Variants in REXO1 observed in about 807,000 individuals in gnomAD.
REXO1 encodes REX1, RNA exonuclease 1 homolog.
REXO1 carries 42 observed loss-of-function variants against 102.6 expected under a neutral mutation model. The observed-to-expected ratio is 0.41, with a 90% CI of 0.32 to 0.53. The LOEUF (loss-of-function observed/expected upper bound fraction) is 0.53. Among genes scored for constraint, REXO1 ranks in the 20% least tolerant of loss-of-function variants. The pLI, the probability that REXO1 is intolerant of heterozygous loss-of-function variation, is 0.27. For synonymous variants in REXO1, 908 were observed against 779.1 expected, an observed-to-expected ratio of 1.17 and a Z score of -2.76; for missense variants, 1,819 against 1,732.5, an observed-to-expected ratio of 1.05 and a Z score of -0.89.
In REXO1 at chr19:1,819,318, G is replaced by A. The variant is rs541826215; in HGVS notation, c.2651-187C>T. ...GAGAGGCAGACATGCGGTGAGCCAG[G>A]GACGCAGGGCAGCCGCCAGCTCTGC... On this transcript the variant is annotated intron_variant, in intron 7 of 15. Coordinates refer to ENST00000170168, the MANE Select transcript of REXO1 (RefSeq NM_020695.4). 3.3e-5 allele frequency among the ~76,000 whole-genome samples: 5 copies of A among 152,168 alleles called. No homozygotes were observed. In the East Asian group the frequency reaches 7.7e-4, roughly 24 times the overall value.
chr19:1,835,809 A>G (rs1198300974), intron 1 of REXO1, among the ~76,000 whole-genome samples: 1 of 152,098 alleles, frequency 6.6e-6, no homozygotes, highest in Non-Finnish European at 1.5e-5. Flanking sequence ...GGTACCACCC[A>G]GCCCCAGTGG....
At chr19:1,819,325 G>A (rs1398635197) in intron 7 of REXO1, among the ~76,000 whole-genome samples, 194 bp from the exon 8 acceptor site, 2 of 152,086 alleles carry the variant, frequency 1.3e-5, no homozygotes, top group African/African-American at 2.4e-5. Flanking sequence ...CAGGGACGCA[G>A]GGCAGCCGCC....
At chr19:1,832,970 C>T (rs1317301277) in intron 1 of REXO1, among the ~76,000 whole-genome samples, 1 of 151,324 alleles carries the variant, frequency 6.6e-6, no homozygotes, top group African/African-American at 2.4e-5. Flanking sequence ...TGGCTCACGC[C>T]TGTAATCCCA....
chr19:1,817,050 G>A (rs1238736085), intron 12 of REXO1, 169 bp downstream of exon 12: 3 of 851,452 alleles, frequency 3.5e-6, no homozygotes, highest in East Asian at 2.7e-5. Context: ...TGGCTCTGCT[G>A]GGAAGTATGG....
chr19:1,829,052 C>G (rs72975609), intron 1 of REXO1, among the ~76,000 whole-genome samples: 4,042 of 152,320 alleles, frequency 0.027, 90 homozygotes, highest in Middle Eastern at 0.051. Flanking sequence ...CACAGCCTGA[C>G]GGTGGACACA....
rs757563078 is a variant in REXO1 at position 1,827,641 on chromosome 19, G to A, written c.1148C>T (p.Ala383Val). 4 of 1,571,114 alleles carry A rather than the reference G, an allele frequency of 2.5e-6. No homozygotes were observed. Among genetic ancestry groups the A allele is most frequent in the African/African-American group, 2.8e-5 (2 of 72,356 alleles). ...EGKPKKKKTG[A>V]PPAPSCKDGA... ...GTCTTTGCAGCTGGGGGCAGGTGGG[G>A]CCCCGGTTTTTTTCTTCTTGGGTTT... The change falls in exon 2 of 16, where the codon GCC (alanine) becomes GTC (valine). Residue 383 changes from alanine to valine, a missense_variant. Physicochemically the swap from Ala to Val is moderately conservative, Grantham distance 64. Coordinates refer to ENST00000170168, the MANE Select transcript of REXO1 (RefSeq NM_020695.4).
rs948070530 is a variant in REXO1, at chr19:1,815,874, C to T, written c.*192G>A. 6.0e-6 allele frequency: 8 copies of T among 1,329,148 alleles called. No individual in the cohort carries two copies. The highest frequency in any genetic ancestry group is 7.8e-6 in the Non-Finnish European group (8 of 1,024,016). The allele number at this position is 1,329,148 out of a possible 1,614,324, so 82.3% of individuals were successfully genotyped here. A position where few individuals can be genotyped will look rare whatever the true frequency, so the allele number is the denominator to read the frequency against. On this transcript the variant is annotated 3_prime_UTR_variant, in exon 16 of 16. Coordinates refer to ENST00000170168, the MANE Select transcript of REXO1 (RefSeq NM_020695.4). This position sits in a 1 kb window ranked among gnomAD's most constrained non-coding sequence, Gnocchi z 4.0. ...CTGGGGGGCAGAGGGTGGGGACCGG[C>T]GGAGGGGTGCGGCAGGACGTGAGCG... is the stretch of plus-strand genomic sequence containing the variant.
At position 1,826,995 on chromosome 19, in the gene REXO1, G is replaced by C. The variant is rs1287512655; in HGVS notation, c.1794C>G (p.Asp598Glu). The C allele has an allele frequency of 6.5e-7, 1 of 1,546,416 alleles. No homozygotes were observed. Among genetic ancestry groups the C allele is most frequent in the Admixed American group, 1.9e-5 (1 of 51,796 alleles). Residue 598 changes from aspartate to glutamate, a missense_variant, in exon 2 of 16, where the codon GAC (aspartate) becomes GAG (glutamate). Transcript: ENST00000170168. The surrounding 1 kb of genome is among the most constrained non-coding windows in gnomAD (Gnocchi z 4.3). ...SSTSSAGADV[D>E]YSALEKEVDF... Reference sequence around the variant, plus strand: ...CCACCTCCTTCTCCAGGGCCGAGTAGTCCACATCCGCCCCCGCGCTGGAGG... The same window carrying C: ...CCACCTCCTTCTCCAGGGCCGAGTACTCCACATCCGCCCCCGCGCTGGAGG...
intron 1 of REXO1, among the ~76,000 whole-genome samples, chr19:1,840,389 C>A (rs968745853): frequency 6.6e-6 from 1 of 152,148 alleles, no homozygotes; most frequent in African/African-American, 2.4e-5. Flanking sequence ...AGCTGAGAAT[C>A]GCAGACTGCC....
intron 4 of REXO1, 63 bp downstream of exon 4, chr19:1,823,509 T>A (rs1295696065): frequency 1.7e-6 from 2 of 1,169,478 alleles, no homozygotes; most frequent in Non-Finnish European, 2.2e-6. Flanking sequence ...GACCTCAGGG[T>A]GCCACCTCTC....
intron 11 of REXO1, 24 bp downstream of exon 11, chr19:1,817,683 G>T (rs775797127): frequency 6.2e-7 from 1 of 1,607,328 alleles, no homozygotes. Flanking sequence ...AACAGGCAGA[G>T]GGGACTGGGA....
intron 3 of REXO1, 125 bp from the exon 4 acceptor site, chr19:1,823,910 T>G (rs2069627806): frequency 4.9e-6 from 2 of 410,766 alleles, no homozygotes; most frequent in South Asian, 2.7e-4. Context: ...CCTGGCTGCC[T>G]TCTGAGCTGC....
chr19:1,827,044 G>C lies in REXO1; in HGVS notation c.1745C>G (p.Ser582Cys). 1 of 1,028,470 alleles carries C rather than the reference G, an allele frequency of 9.7e-7. No homozygotes were observed. The highest frequency in any genetic ancestry group is 1.5e-6 in the Non-Finnish European group (1 of 675,688). The allele number at this position is 1,028,470 out of a possible 1,614,324, so 63.7% of individuals were successfully genotyped here. Residue 582 changes from serine (S) to cysteine (C), a missense_variant, in exon 2 of 16, where the codon TCC becomes TGC. Coordinates refer to ENST00000170168, the MANE Select transcript of REXO1 (RefSeq NM_020695.4). ...ASPPPSPAPS[S>C]SSSSSSSTSS... Reference sequence around the variant, plus strand: ...GGTGGAGGAGGAGGAGGAGGAGGAGGAGGATGGGGCGGGGGAGGGGGGCGG... The same window carrying C: ...GGTGGAGGAGGAGGAGGAGGAGGAGCAGGATGGGGCGGGGGAGGGGGGCGG...
rs1428100966 is a variant in REXO1, at chr19:1,817,293, C to T, written c.3127G>A (p.Gly1043Ser). 1 of 1,613,104 alleles carries T rather than the reference C, an allele frequency of 6.2e-7. No individual in the cohort carries two copies. The highest frequency in any genetic ancestry group is 1.1e-5 in the South Asian group (1 of 91,090). Reference sequence around the variant, plus strand: ...TCTTTCTCAAAGGTCTTCACGAAGCCCTCAAGGCGCTCCTTCCGGCCATCC... The same window carrying T: ...TCTTTCTCAAAGGTCTTCACGAAGCTCTCAAGGCGCTCCTTCCGGCCATCC... ...VQDGRKERLE[G>S]FVKTFEKELS... is the part of the protein sequence containing the mutation. Residue 1043 changes from glycine (G) to serine (S), a missense_variant, in exon 12 of 16, where the codon GGC (glycine) becomes AGC (serine). Gly to Ser is a moderately conservative substitution (Grantham distance 56). Coordinates refer to ENST00000170168, the MANE Select transcript of REXO1 (RefSeq NM_020695.4).
chr19:1,824,038 C>A, intron 3 of REXO1: 1 of 383,562 alleles, frequency 2.6e-6, no homozygotes, highest in Non-Finnish European at 4.6e-6. Flanking sequence ...TGATAAGGCA[C>A]GGGTGGGCGG....
Position 1,826,567 on chromosome 19 carries a change from CCT to C in REXO1, c.1911+309_1911+310del, listed in dbSNP as rs1428838412. 2.0e-5 allele frequency among the ~76,000 whole-genome samples: 3 copies of C among 151,452 alleles called. No individual in the cohort carries two copies. The highest frequency in any genetic ancestry group is 4.9e-5 in the African/African-American group (2 of 41,184). On this transcript the variant is annotated intron_variant, in intron 2 of 15. Coordinates refer to ENST00000170168, the MANE Select transcript of REXO1 (RefSeq NM_020695.4). This position sits in a 1 kb window ranked among gnomAD's most constrained non-coding sequence, Gnocchi z 4.3. ...GAAGGGTGTGCCGGAGGTGGATTCC[CCT>C]GAGGTGGGTGGGTGGGCCAATATCC...
chr19:1,825,225 G>A (rs1408625752), intron 3 of REXO1, among the ~76,000 whole-genome samples: 2 of 147,252 alleles, frequency 1.4e-5, no homozygotes, highest in Non-Finnish European at 3.0e-5. Flanking sequence ...ACTTAAGCCC[G>A]GGAGGCGGAA....
Position 1,848,317 on chromosome 19 carries a change from G to A in REXO1, c.42C>T (p.Pro14=). Residue 14 remains proline (P), a synonymous_variant, in exon 1 of 16, where the codon CCC becomes CCT. Transcript: ENST00000170168. ...GCCCCCCGGGCGCCCCAGACCAATAGGGGCAGTCAATGGCCCGGAAGAAGC... is the reference window on the plus strand; with the variant it reads ...GCCCCCCGGGCGCCCCAGACCAATAAGGGCAGTCAATGGCCCGGAAGAAGC... The part of the protein sequence containing the change: ...STGFFRAIDC[P]YWSGAPGGPC... The A allele has an allele frequency of 2.2e-5, 27 of 1,229,212 alleles. No homozygotes were observed. The highest frequency in any genetic ancestry group is 2.8e-5 in the Non-Finnish European group (27 of 979,314). 76.1% of individuals were successfully genotyped at this position (1,229,212 alleles called of 1,614,324 possible). A position where few individuals can be genotyped will look rare whatever the true frequency, so the allele number is the denominator to read the frequency against.
Position 1,817,501 on chromosome 19 carries a change from G to A in REXO1, c.3091-172C>T, listed in dbSNP as rs370685976. On this transcript the variant is annotated intron_variant, in intron 11 of 15. Transcript: ENST00000170168. ...AAGGGGGCTTGCCAAGAAGACACAG[G>A]GAGGACGGCTTCCCAGGATGGGAAG... The A allele has an allele frequency of 2.4e-4, 356 of 1,467,068 alleles. No homozygotes were observed. The African/African-American group carries it at 4.2e-3, about 17-fold the overall frequency. 90.9% of individuals were successfully genotyped at this position (1,467,068 alleles called of 1,614,324 possible).
Sources: gnomAD v4.1 joint callset for allele counts (sites outside exome capture counted in the v4.1 genomes callset) on GRCh38, gnomAD v4.1.1 for gene constraint, Gnocchi (gnomAD v3.1) non-coding constraint, MANE v1.5 for transcripts, NCBI Gene and HGNC (gene_info 2026-07-23, HGNC 2026-07-21) for gene names.